Variants in IGF1R observed in about 807,000 individuals in gnomAD.
The protein encoded by IGF1R is insulin like growth factor 1 receptor, also known as insulin-like growth factor 1 receptor.
Under a neutral mutation model 144.6 loss-of-function variants are expected in IGF1R, and 44 were observed. The ratio of observed to expected loss-of-function variants is 0.30; its 90% CI spans 0.24 to 0.39. The LOEUF (loss-of-function observed/expected upper bound fraction) is 0.39. Ranked by LOEUF, IGF1R falls within the 10% of genes least tolerant of loss-of-function variation. The pLI is 1.00. For synonymous variants in IGF1R, 795 were observed against 722.8 expected, an observed-to-expected ratio of 1.10 and a Z score of -1.60; for missense variants, 1,355 against 1,833.7, an observed-to-expected ratio of 0.74 and a Z score of 4.77.
At chr15:98,791,076 G>GT (rs2056116997) in intron 2 of IGF1R, among the ~76,000 whole-genome samples, 1 of 152,216 alleles carries the variant, frequency 6.6e-6, no homozygotes, top group African/African-American at 2.4e-5. Flanking sequence ...GCATAGCTTA[G>GT]TTCATGCTCA....
Position 98,852,521 on chromosome 15 carries a change from G to A in IGF1R, c.641-38804G>A, listed in dbSNP as rs1400179140. Among the ~76,000 whole-genome samples the A allele has an allele frequency of 2.0e-5, 3 of 152,340 alleles. No homozygotes were observed. The East Asian group carries it at 5.8e-4, about 29-fold the overall frequency. On this transcript the variant is annotated intron_variant, in intron 2 of 20. Coordinates refer to ENST00000650285, the MANE Select transcript of IGF1R (RefSeq NM_000875.5). The stretch of plus-strand genomic sequence containing the variant: ...TGTCTGTCAGTCAAGTGGGCATCCC[G>A]CAAGGATGCAGCAGGAGTATTAGGG...
chr15:98,650,905 G>T, intron 1 of IGF1R: 1 of 984,914 alleles, frequency 1.0e-6, no homozygotes, highest in Non-Finnish European at 1.2e-6. Flanking sequence ...GGAAGCGCGG[G>T]GATGCGGGGA....
intron 2 of IGF1R, among the ~76,000 whole-genome samples, chr15:98,818,610 C>T (rs998172634): frequency 6.6e-6 from 1 of 151,894 alleles, no homozygotes; most frequent in African/African-American, 2.4e-5. Flanking sequence ...AGTCCTGAAC[C>T]AGTGCCAGGT....
intron 1 of IGF1R, among the ~76,000 whole-genome samples, chr15:98,663,743 C>T (rs796883855): frequency 6.6e-6 from 1 of 152,196 alleles, no homozygotes; most frequent in Non-Finnish European, 1.5e-5. Flanking sequence ...TTGGGCTTCC[C>T]GAGGCTGGGA....
chr15:98,900,062 C>T (rs567181447), intron 5 of IGF1R, among the ~76,000 whole-genome samples: 4 of 152,154 alleles, frequency 2.6e-5, no homozygotes, highest in Non-Finnish European at 5.9e-5. Flanking sequence ...AGTGAGAGCA[C>T]GGGAGGAGCA....
At chr15:98,658,344 A>C (rs34038360) in intron 1 of IGF1R, among the ~76,000 whole-genome samples, 48,228 of 152,136 alleles carry the variant, frequency 0.32, 8,722 homozygotes, top group Non-Finnish European at 0.4. Context: ...TTAGCTGCCA[A>C]TTAGTTCTTT....
intron 2 of IGF1R, among the ~76,000 whole-genome samples, chr15:98,758,907 GA>G (rs1314103598): frequency 6.6e-6 from 1 of 152,218 alleles, no homozygotes; most frequent in East Asian, 1.9e-4. Context: ...GAAGGAGGTA[GA>G]AAAAAGATGT....
At chr15:98,802,285 G>C (rs973803570) in intron 2 of IGF1R, among the ~76,000 whole-genome samples, 63 of 152,330 alleles carry the variant, frequency 4.1e-4, no homozygotes, top group African/African-American at 1.5e-3. Flanking sequence ...AGCATCTTGA[G>C]AGTATAAAAT....
chr15:98,922,546 G>C (rs2015533921), intron 11 of IGF1R, 115 bp downstream of exon 11: 1 of 1,273,700 alleles, frequency 7.9e-7, no homozygotes, highest in East Asian at 2.3e-5. Context: ...ACCCAGGCCT[G>C]CCTGCTAAAT....
chr15:98,897,714 C>T (rs73463658), intron 4 of IGF1R, among the ~76,000 whole-genome samples: 7,123 of 152,280 alleles, frequency 0.047, 278 homozygotes, highest in East Asian at 0.14. Context: ...TTGCTGGGAC[C>T]ACAGGCACAC....
intron 2 of IGF1R, among the ~76,000 whole-genome samples, chr15:98,873,006 A>T (rs1399601248): frequency 6.6e-6 from 1 of 152,130 alleles, no homozygotes; most frequent in East Asian, 1.9e-4. Context: ...TATATTTTTG[A>T]CACTGTGTAC....
intron 13 of IGF1R, among the ~76,000 whole-genome samples, chr15:98,928,228 C>A (rs766314472): frequency 1.3e-5 from 2 of 152,154 alleles, no homozygotes; most frequent in Non-Finnish European, 2.9e-5. Flanking sequence ...GAGCCTCATC[C>A]TGGGGCCATG....
Position 98,725,718 on chromosome 15 carries a change from G to T in IGF1R, c.640+17611G>T, listed in dbSNP as rs531414624. On this transcript the variant is annotated intron_variant, in intron 2 of 20. Transcript: ENST00000650285. Reference sequence around the variant, plus strand: ...CTGTTTTCATGCTGCTGATAAAGACGTACCCAAGACTGTGAAGAAAAAGAG... The same window carrying T: ...CTGTTTTCATGCTGCTGATAAAGACTTACCCAAGACTGTGAAGAAAAAGAG... Among the ~76,000 whole-genome samples, 7 of 152,288 alleles carry T rather than the reference G, an allele frequency of 4.6e-5. No individual in the cohort carries two copies. The South Asian group carries it at 1.5e-3, about 32-fold the overall frequency.
intron 2 of IGF1R, among the ~76,000 whole-genome samples, chr15:98,846,520 C>G (rs1054512088): frequency 6.6e-6 from 1 of 152,182 alleles, no homozygotes; most frequent in Admixed American, 6.5e-5. Context: ...CCCAGTAGTT[C>G]TGCTGACAAG....
rs553743389 is a variant in IGF1R, at chr15:98,939,064, G to A, written c.3298-137G>A. 39 of 719,898 alleles carry A rather than the reference G, an allele frequency of 5.4e-5. No individual in the cohort carries two copies. The South Asian group carries it at 5.5e-4, about 10-fold the overall frequency. 44.6% of individuals were successfully genotyped at this position (719,898 alleles called of 1,614,324 possible). A position where few individuals can be genotyped will look rare whatever the true frequency, so the allele number is the denominator to read the frequency against. On this transcript the variant is annotated intron_variant, in intron 17 of 20. Coordinates refer to ENST00000650285, the MANE Select transcript of IGF1R (RefSeq NM_000875.5). ...CTCTCCATGATGGTTTGTTCCTTCCGAGCAAGTCCTGGTTTCTTAGCATAA... is the reference window on the plus strand; with the variant it reads ...CTCTCCATGATGGTTTGTTCCTTCCAAGCAAGTCCTGGTTTCTTAGCATAA...
At chr15:98,869,011 C>G (rs931599617) in intron 2 of IGF1R, among the ~76,000 whole-genome samples, 2 of 152,122 alleles carry the variant, frequency 1.3e-5, no homozygotes, top group Non-Finnish European at 2.9e-5. Context: ...CCTGGGGAAA[C>G]CTGCAAAGAA....
intron 1 of IGF1R, among the ~76,000 whole-genome samples, chr15:98,658,982 G>A (rs1157676721): frequency 6.6e-6 from 1 of 152,206 alleles, no homozygotes; most frequent in African/African-American, 2.4e-5. Flanking sequence ...TCGTACACAT[G>A]TCAAGTGCCT....
intron 5 of IGF1R, among the ~76,000 whole-genome samples, chr15:98,907,081 G>T (rs1296208740): frequency 6.6e-6 from 1 of 152,238 alleles, no homozygotes; most frequent in Non-Finnish European, 1.5e-5. Context: ...TCCTACGAGT[G>T]AGTAAACAGG....
chr15:98,737,446 G>A (rs572723545), intron 2 of IGF1R, among the ~76,000 whole-genome samples: 18 of 152,278 alleles, frequency 1.2e-4, no homozygotes, highest in Middle Eastern at 3.4e-3. Flanking sequence ...GAGCAGTGGA[G>A]TAAGCTGATA....
Sources: gnomAD v4.1 joint callset for allele counts (sites outside exome capture counted in the v4.1 genomes callset) on GRCh38, gnomAD v4.1.1 for gene constraint, MANE v1.5 for transcripts, NCBI Gene and HGNC (gene_info 2026-07-23, HGNC 2026-07-21) for gene names.